Variants in SLC2A7 observed in about 807,000 individuals in gnomAD.
The protein encoded by SLC2A7 is solute carrier family 2 member 7, also known as solute carrier family 2, facilitated glucose transporter member 7.
In SLC2A7, 50 loss-of-function variants were observed where a neutral mutation model predicts 50.5. The observed-to-expected ratio is 0.99, with a 90% CI of 0.79 to 1.25. The LOEUF is 1.25. SLC2A7 is among the 50% of genes most tolerant of loss of function. The probability of loss-of-function intolerance (pLI) is 0.00; values close to 1 mark genes in which losing one functional copy is unlikely to be tolerated. For synonymous variants in SLC2A7, 308 were observed against 300.4 expected (o/e 1.03, Z -0.26); for missense variants, 683 against 679.1 (o/e 1.01, Z -0.06).
chr1:9,013,022 C>G (rs991235683), intron 8 of SLC2A7, among the ~76,000 whole-genome samples: 1 of 152,150 alleles, frequency 6.6e-6, no homozygotes, highest in Admixed American at 6.5e-5. Context: ...TCCCAAGTAG[C>G]TGACATTACA....
chr1:9,004,942 G>C, intron 10 of SLC2A7, 63 bp from the exon 11 acceptor site: 1 of 1,551,396 alleles, frequency 6.4e-7, no homozygotes, highest in Non-Finnish European at 8.7e-7. Flanking sequence ...GGGCTGGCGG[G>C]ACGCGGCCCA....
In SLC2A7 at chr1:9,026,403, C is replaced by A; in HGVS notation, c.-58G>T. The A allele has an allele frequency of 6.6e-7, 1 of 1,512,878 alleles. No individual in the cohort carries two copies. The highest frequency in any genetic ancestry group is 2.4e-5 in the East Asian group (1 of 42,048). The allele number at this position is 1,512,878 out of a possible 1,614,324, so 93.7% of individuals were successfully genotyped here. The stretch of plus-strand genomic sequence containing the variant: ...CCTCCCAAGTGACACCTGCTCTGCG[C>A]CAGCCACCTAAAGACCGGCTGTTTC... On this transcript the variant is annotated 5_prime_UTR_variant, in exon 1 of 12. Transcript: ENST00000400906.
At chr1:9,013,473 C>T (rs995456350) in intron 8 of SLC2A7, 52 bp downstream of exon 8, 50 of 1,518,960 alleles carry the variant, frequency 3.3e-5, no homozygotes, top group African/African-American at 6.8e-5. Flanking sequence ...GTCTGCCTGG[C>T]GGCACCTGGC....
chr1:8,999,110 T>C (rs1453720029), downstream of SLC2A7, among the ~76,000 whole-genome samples: 1 of 152,228 alleles, frequency 6.6e-6, no homozygotes. Context: ...AAATTACACA[T>C]TCAATTTCTT....
At chr1:8,995,836 T>C in the SLC2A7 span, among the ~76,000 whole-genome samples, 3 of 152,182 alleles carry the variant, frequency 2.0e-5, no homozygotes, top group Non-Finnish European at 4.4e-5. Flanking sequence ...GGTGTGATCA[T>C]AGCTCACTGC....
At chr1:9,023,336 A>G (rs936564492) in intron 2 of SLC2A7, among the ~76,000 whole-genome samples, 3 of 152,236 alleles carry the variant, frequency 2.0e-5, no homozygotes, top group African/African-American at 7.2e-5. Flanking sequence ...GGCCGGACGC[A>G]GTGGCTCACG....
chr1:9,024,408 T>TA (rs1256791454), intron 2 of SLC2A7, among the ~76,000 whole-genome samples: 3 of 152,204 alleles, frequency 2.0e-5, no homozygotes, highest in Non-Finnish European at 4.4e-5. Flanking sequence ...GTAGACATGC[T>TA]AATATATGTA....
At chr1:9,011,128 C>T (rs895050851) in intron 8 of SLC2A7, among the ~76,000 whole-genome samples, 3 of 152,276 alleles carry the variant, frequency 2.0e-5, no homozygotes, top group East Asian at 1.9e-4. Flanking sequence ...TAAACCTGCT[C>T]GCTCTGCCTC....
chr1:9,014,604 G>T, intron 7 of SLC2A7, 77 bp downstream of exon 7: 1 of 1,519,498 alleles, frequency 6.6e-7, no homozygotes, highest in African/African-American at 1.4e-5. Flanking sequence ...GGCCTCTGTG[G>T]GTGGAACTGT....
the SLC2A7 span, among the ~76,000 whole-genome samples, chr1:8,997,120 C>G: frequency 3.3e-5 from 5 of 152,066 alleles, no homozygotes; most frequent in African/African-American, 1.2e-4. Flanking sequence ...CATCACGTAT[C>G]TTCTTTGGTG....
Position 9,010,157 on chromosome 1 carries a change from C to T in SLC2A7, c.1102G>A (p.Val368Met), listed in dbSNP as rs1221030873. 1.5e-5 allele frequency: 23 copies of T among 1,552,482 alleles called. No individual in the cohort carries two copies. The East Asian group carries it at 5.4e-4, about 36-fold the overall frequency. Residue 368 changes from valine (V) to methionine (M), a missense_variant, in exon 9 of 12, where the codon GTG (valine) becomes ATG (methionine). Physicochemically the swap from Val to Met is conservative, Grantham distance 21. Coordinates refer to ENST00000400906, the MANE Select transcript of SLC2A7 (RefSeq NM_207420.3). Reference sequence around the variant, plus strand: ...TGAGGTCAGACCTGGAATAGGAGCACCACCGTCAGCACCAGGCAGGCAGAG... The same window carrying T: ...TGAGGTCAGACCTGGAATAGGAGCATCACCGTCAGCACCAGGCAGGCAGAG... ...CGSACLVLTV[V>M]LLFQNRVPEL...
intron 5 of SLC2A7, among the ~76,000 whole-genome samples, chr1:9,016,343 G>A (rs554900335): frequency 1.3e-5 from 2 of 152,316 alleles, no homozygotes; most frequent in South Asian, 2.1e-4. Flanking sequence ...AGTGGCTCAT[G>A]CCTGTAATCC....
Position 9,022,925 on chromosome 1 carries a change from A to G in SLC2A7, c.304T>C (p.Cys102Arg). 6.2e-7 allele frequency: 1 copy of G among 1,614,048 alleles called. No homozygotes were observed. The highest frequency in any genetic ancestry group is 8.5e-7 in the Non-Finnish European group (1 of 1,179,962). Residue 102 changes from cysteine (C) to arginine (R), a missense_variant, in exon 3 of 12, where the codon TGC becomes CGC. Transcript: ENST00000400906. ...SLLVGLLVDS[C>R]GRKGTLLINN... ...AGTGCACCTTCTGTTTACCTGCCGC[A>G]GCTATCAACCAGCAGGCCCACGAGC... is the stretch of plus-strand genomic sequence containing the variant.
chr1:8,995,562 T>C, the SLC2A7 span, among the ~76,000 whole-genome samples: 128 of 148,524 alleles, frequency 8.6e-4, 3 homozygotes, highest in South Asian at 0.026. Context: ...CTGGCCAACA[T>C]GGTGAAACCT....
intron 9 of SLC2A7, among the ~76,000 whole-genome samples, chr1:9,009,646 TGGGGTCTCACCATGTTGTTCAGAC>T (rs1161275912): frequency 1.3e-5 from 2 of 152,132 alleles, no homozygotes; most frequent in Non-Finnish European, 2.9e-5. Context: ...TTTGTAGAGA[TGGGGTCTCACCATGTTGTTCAGAC>T]TGGTCTTGAG....
chr1:9,010,223 C>T lies in SLC2A7; in HGVS notation c.1036G>A (p.Gly346Arg), dbSNP rs536979010. Residue 346 changes from glycine (G) to arginine (R), a missense_variant, in exon 9 of 12, where the codon GGA becomes AGA. By Grantham distance (125) the Gly-to-Arg change is moderately radical. Coordinates refer to ENST00000400906, the MANE Select transcript of SLC2A7 (RefSeq NM_207420.3). ...ITSAVLVERLGRRHLLLAGYG... is the reference protein window; with the variant it reads ...ITSAVLVERLRRRHLLLAGYG... ...CCGGCCAGCAGGAGGTGCCGCCGTCCCAGCCGCTCCACAAGGACAGCCTGG... is the reference window on the plus strand; with the variant it reads ...CCGGCCAGCAGGAGGTGCCGCCGTCTCAGCCGCTCCACAAGGACAGCCTGG... The T allele has an allele frequency of 1.6e-5, 25 of 1,551,230 alleles. No homozygotes were observed. The South Asian group carries it at 2.6e-4, about 16-fold the overall frequency.
chr1:9,021,606 G>A (rs1020826180), intron 3 of SLC2A7, among the ~76,000 whole-genome samples: 6 of 152,178 alleles, frequency 3.9e-5, no homozygotes, highest in African/African-American at 1.4e-4. Context: ...AGACAAGCAG[G>A]CTGGTGTTCT....
intron 3 of SLC2A7, among the ~76,000 whole-genome samples, chr1:9,022,680 CCACCT>C (rs5772344): frequency 0.76 from 115,187 of 151,396 alleles, 44,051 homozygotes; most frequent in East Asian, 0.95. Context: ...AAAGGCTGCA[CCACCT>C]CTGTGGCAGG....
intron 10 of SLC2A7, among the ~76,000 whole-genome samples, chr1:9,006,897 C>T (rs183815768): frequency 9.5e-4 from 144 of 152,282 alleles, no homozygotes; most frequent in Non-Finnish European, 1.7e-3. Context: ...GGGACTGTAG[C>T]TGGCAGTCAG....
Sources: gnomAD v4.1 joint callset for allele counts (sites outside exome capture counted in the v4.1 genomes callset) on GRCh38, gnomAD v4.1.1 for gene constraint, MANE v1.5 for transcripts, NCBI Gene and HGNC (gene_info 2026-07-23, HGNC 2026-07-21) for gene names.